MAGI1: variants seen among roughly 807,000 people sequenced by gnomAD.
MAGI1 encodes membrane associated guanylate kinase, WW and PDZ domain containing 1, also known as membrane-associated guanylate kinase, WW and PDZ domain-containing protein 1.
A neutral mutation model predicts 139.9 loss-of-function variants in MAGI1; 58 were observed. The ratio of observed to expected loss-of-function variants is 0.41; its 90% CI spans 0.34 to 0.52. MAGI1 has a LOEUF of 0.52. Among genes scored for constraint, MAGI1 ranks in the 20% least tolerant of loss-of-function variants. MAGI1 has a pLI of 0.12. For missense variants in MAGI1, 1,874 were observed against 1,901.6 expected (o/e 0.99, Z 0.27); for synonymous variants, 812 against 737.9 (o/e 1.10, Z -1.63).
intron 9 of MAGI1, among the ~76,000 whole-genome samples, chr3:65,438,635 G>A (rs762856825): frequency 1.6e-4 from 25 of 152,210 alleles, no homozygotes; most frequent in Non-Finnish European, 3.2e-4. Context: ...CAGGGCAGTG[G>A]TTGGCAAACT....
intron 2 of MAGI1, among the ~76,000 whole-genome samples, chr3:65,514,222 C>T (rs1198197379): frequency 6.7e-6 from 1 of 150,262 alleles, no homozygotes; most frequent in Non-Finnish European, 1.5e-5. Flanking sequence ...AAAACCTAGG[C>T]ATTACCATTC....
chr3:65,362,339 A>C (rs1468496099), intron 21 of MAGI1, among the ~76,000 whole-genome samples: 1 of 146,702 alleles, frequency 6.8e-6, no homozygotes, highest in African/African-American at 2.7e-5. Flanking sequence ...AAGTAATTTA[A>C]AGTAAAGTAA....
intron 1 of MAGI1, among the ~76,000 whole-genome samples, chr3:65,719,699 C>A (rs1226999021): frequency 1.3e-5 from 2 of 152,040 alleles, no homozygotes; most frequent in African/African-American, 4.8e-5. Context: ...GCACACACCA[C>A]CATGCCAGGC....
chr3:65,916,296 T>G (rs896913515), intron 1 of MAGI1, among the ~76,000 whole-genome samples: 2 of 152,176 alleles, frequency 1.3e-5, no homozygotes, highest in African/African-American at 4.8e-5. Context: ...CTCAAATTTC[T>G]GGCCTCAAGT....
intron 1 of MAGI1, among the ~76,000 whole-genome samples, chr3:65,675,993 G>A (rs184183797): frequency 6.6e-6 from 1 of 152,326 alleles, no homozygotes; most frequent in Non-Finnish European, 1.5e-5. Context: ...TATGTCAATA[G>A]TTTGGAGGAG....
At chr3:65,746,890 G>C (rs1014320244) in intron 1 of MAGI1, among the ~76,000 whole-genome samples, 8 of 152,122 alleles carry the variant, frequency 5.3e-5, no homozygotes, top group Non-Finnish European at 1.0e-4. Context: ...TCTGGCCTTG[G>C]GGAACTTACA....
chr3:65,965,659 CT>C (rs1273976057), intron 1 of MAGI1, among the ~76,000 whole-genome samples: 58 of 145,972 alleles, frequency 4.0e-4, no homozygotes, highest in South Asian at 4.4e-4. Flanking sequence ...CTGTTTCACC[CT>C]TTTTTTTTTT....
chr3:65,700,269 C>T (rs55770297), intron 1 of MAGI1, among the ~76,000 whole-genome samples: 17,905 of 151,870 alleles, frequency 0.12, 1,563 homozygotes, highest in East Asian at 0.47. Flanking sequence ...TAGTGAAATC[C>T]GGCCTCTACT....
At chr3:65,374,459 A>G (rs1942308719) in intron 18 of MAGI1, among the ~76,000 whole-genome samples, 1 of 151,964 alleles carries the variant, frequency 6.6e-6, no homozygotes, top group African/African-American at 2.4e-5. Context: ...CTGGGACTAC[A>G]GGCATGTGCC....
At chr3:65,499,347 A>G (rs1440792302) in intron 2 of MAGI1, among the ~76,000 whole-genome samples, 1 of 152,166 alleles carries the variant, frequency 6.6e-6, no homozygotes, top group Admixed American at 6.5e-5. Context: ...GTAATGGTAA[A>G]TGGTAAAGAA....
intron 1 of MAGI1, among the ~76,000 whole-genome samples, chr3:65,723,663 G>A (rs1160627988): frequency 2.0e-5 from 3 of 152,156 alleles, no homozygotes; most frequent in South Asian, 2.1e-4. Context: ...TGGGATCTGT[G>A]TTTCCTCTAC....
chr3:65,391,988 G>A (rs201140860), intron 13 of MAGI1, among the ~76,000 whole-genome samples: 1 of 152,080 alleles, frequency 6.6e-6, no homozygotes, highest in East Asian at 1.9e-4. Flanking sequence ...AATCAATTTG[G>A]CAAGCATTAC....
chr3:65,567,315 T>C (rs1421779108), intron 2 of MAGI1, among the ~76,000 whole-genome samples: 3 of 151,754 alleles, frequency 2.0e-5, no homozygotes, highest in South Asian at 2.1e-4. Flanking sequence ...TCCTGCTCCC[T>C]CCACACTCAC....
intron 1 of MAGI1, among the ~76,000 whole-genome samples, chr3:65,774,541 T>C (rs1031827181): frequency 8.5e-5 from 13 of 152,304 alleles, no homozygotes; most frequent in East Asian, 3.9e-4. Flanking sequence ...ATACTTTCCT[T>C]ATAATCCTGT....
At chr3:65,558,463 A>T (rs544027280) in intron 2 of MAGI1, among the ~76,000 whole-genome samples, 18 of 152,238 alleles carry the variant, frequency 1.2e-4, no homozygotes, top group Admixed American at 7.9e-4. Flanking sequence ...CAGCCTGGGC[A>T]ACATAGCATG....
At chr3:65,940,356 A>C (rs1279466460) in intron 1 of MAGI1, among the ~76,000 whole-genome samples, 5 of 152,192 alleles carry the variant, frequency 3.3e-5, no homozygotes, top group Non-Finnish European at 7.3e-5. Flanking sequence ...TATTTCCCAG[A>C]GCTCTGGAGG....
At chr3:65,937,479 G>C (rs1241742242) in intron 1 of MAGI1, among the ~76,000 whole-genome samples, 11 of 152,100 alleles carry the variant, frequency 7.2e-5, no homozygotes, top group Non-Finnish European at 1.6e-4. Context: ...GAAAGAGAGA[G>C]GTTGTGTCAG....
intron 1 of MAGI1, among the ~76,000 whole-genome samples, chr3:65,646,566 CA>C (rs1406108071): frequency 6.6e-6 from 1 of 152,044 alleles, no homozygotes; most frequent in Non-Finnish European, 1.5e-5. Context: ...AAGACATTTA[CA>C]GAACAATTGA....
intron 1 of MAGI1, among the ~76,000 whole-genome samples, chr3:65,989,535 TTTTA>T (rs1480198641): frequency 1.3e-5 from 2 of 152,100 alleles, no homozygotes; most frequent in Admixed American, 6.6e-5. Context: ...ATAAATTTAT[TTTTA>T]TTTATTTATC....
Sources: allele counts gnomAD v4.1 joint callset (sites outside exome capture counted in the v4.1 genomes callset), GRCh38; gene constraint gnomAD v4.1.1; transcripts MANE v1.5; gene names NCBI Gene and HGNC (gene_info 2026-07-23, HGNC 2026-07-21).